The following LCOR variants were observed in gnomAD, a reference collection of about 807,000 sequenced individuals.
LCOR encodes the protein ligand-dependent corepressor.
In LCOR, 14 loss-of-function variants were observed where a neutral mutation model predicts 64.4. The observed-to-expected ratio is 0.22, with a 90% CI of 0.14 to 0.34. The LOEUF (loss-of-function observed/expected upper bound fraction) is 0.34, where lower values mean the gene tolerates loss of function less well. Ranked by LOEUF, LCOR falls within the 10% of genes least tolerant of loss-of-function variation. LCOR has a pLI of 1.00. For synonymous variants in LCOR, 643 were observed against 642.5 expected (o/e 1.00, Z -0.01); for missense variants, 1,686 against 1,765.3 (o/e 0.96, Z 0.80).
intron 2 of LCOR, among the ~76,000 whole-genome samples, chr10:96,844,268 A>G (rs1205555407): frequency 6.6e-6 from 1 of 151,282 alleles, no homozygotes; most frequent in African/African-American, 2.4e-5. Flanking sequence ...CTCCTGCCTT[A>G]GCCTCCCTAG....
rs747128709 is a variant in LCOR, at chr10:96,982,613, T to G, written c.2153T>G (p.Met718Arg). 10 of 1,614,002 alleles carry G rather than the reference T, an allele frequency of 6.2e-6. No individual in the cohort carries two copies. The African/African-American group carries it at 1.3e-4, about 22-fold the overall frequency. Residue 718 changes from methionine to arginine, a missense_variant, in exon 8 of 8, where the codon ATG (methionine) becomes AGG (arginine). Around this residue, in one of 3 missense-constraint regions of LCOR, gnomAD observed 1,293 missense variants for 1,410.4 expected, o/e 0.92. Transcript: ENST00000421806. ...QSSPMGLEPP[M>R]SLGKAEDNQS... ...TCCCCAATGGGCTTGGAGCCCCCCA[T>G]GAGTCTGGGAAAGGCTGAGGACAAC...
intron 2 of LCOR, among the ~76,000 whole-genome samples, chr10:96,893,004 C>A (rs889495402): frequency 7.9e-5 from 12 of 151,990 alleles, no homozygotes; most frequent in Non-Finnish European, 1.2e-4. Context: ...TTGTTCAAGC[C>A]CTCCATGACT....
At chr10:96,951,214 A>T (rs577581312) in intron 6 of LCOR, among the ~76,000 whole-genome samples, 2 of 152,274 alleles carry the variant, frequency 1.3e-5, no homozygotes, top group Admixed American at 1.3e-4. Context: ...TTTTCCAGGT[A>T]TTTCAACAAG....
At chr10:96,840,241 GTCT>G (rs1564598199) in intron 2 of LCOR, among the ~76,000 whole-genome samples, 1 of 152,052 alleles carries the variant, frequency 6.6e-6, no homozygotes, top group East Asian at 1.9e-4. Flanking sequence ...ATGATTTTTG[GTCT>G]TCTTTTTATT....
chr10:96,840,990 T>A (rs977236378), intron 2 of LCOR, among the ~76,000 whole-genome samples: 2 of 152,040 alleles, frequency 1.3e-5, no homozygotes, highest in African/African-American at 4.8e-5. Context: ...ATACAAAAAT[T>A]AGCTTTAGCT....
intron 4 of LCOR, among the ~76,000 whole-genome samples, chr10:96,938,849 A>G (rs555766816): frequency 6.6e-6 from 1 of 152,364 alleles, no homozygotes; most frequent in South Asian, 2.1e-4. Flanking sequence ...TATGTTGTAA[A>G]TTACAAAATG....
At chr10:96,833,517 C>A (rs1353931824) in intron 2 of LCOR, 38 bp downstream of exon 2, 1 of 865,932 alleles carries the variant, frequency 1.2e-6, no homozygotes, top group Non-Finnish European at 1.4e-6. Flanking sequence ...CCGCCCGCCG[C>A]CCCCTAGCCC....
intron 7 of LCOR, among the ~76,000 whole-genome samples, chr10:96,972,855 T>C (rs1171981088): frequency 6.6e-6 from 1 of 152,184 alleles, no homozygotes; most frequent in East Asian, 1.9e-4. Flanking sequence ...TTCTGCTCTT[T>C]TAGTGAATGT....
chr10:96,912,089 G>C (rs979888840), intron 4 of LCOR, among the ~76,000 whole-genome samples: 2 of 151,696 alleles, frequency 1.3e-5, no homozygotes, highest in African/African-American at 2.4e-5. Context: ...ATGCCACCAC[G>C]CCCAGCTAAT....
At chr10:96,920,747 T>TGG (rs1847060842) in intron 4 of LCOR, among the ~76,000 whole-genome samples, 1 of 110,100 alleles carries the variant, frequency 9.1e-6, no homozygotes, top group Admixed American at 1.1e-4. Context: ...TGTGTATATA[T>TGG]GTATACACAC....
Position 96,851,104 on chromosome 10 carries a change from C to T in LCOR, c.-330+17625C>T, listed in dbSNP as rs904802311. Among the ~76,000 whole-genome samples, 9 of 152,166 alleles carry T rather than the reference C, an allele frequency of 5.9e-5. 1 individual carries two copies. Among genetic ancestry groups the T allele is most frequent in the East Asian group, 5.8e-4 (3 of 5,194 alleles). On this transcript the variant is annotated intron_variant, in intron 2 of 7. Transcript: ENST00000421806. ...GTCCATTATTACGCTAACAGAAAGG[C>T]GTGGATCACGAGGGACATCTTTTCT...
chr10:96,860,697 G>A (rs533485515), intron 2 of LCOR, among the ~76,000 whole-genome samples: 1 of 152,226 alleles, frequency 6.6e-6, no homozygotes, highest in East Asian at 1.9e-4. Flanking sequence ...AAGTTTTCCC[G>A]GTGGATATCT....
intron 4 of LCOR, among the ~76,000 whole-genome samples, chr10:96,914,121 T>C (rs199811312): frequency 2.6e-5 from 4 of 152,342 alleles, no homozygotes; most frequent in South Asian, 2.1e-4. Context: ...CATATTTTGC[T>C]GAATGTTTCT....
At chr10:96,963,029 T>C (rs1371624548) in intron 7 of LCOR, 1 of 152,250 alleles carries the variant, frequency 6.6e-6, no homozygotes, top group Non-Finnish European at 1.5e-5. Context: ...AACGTGCTGG[T>C]AGCACATCTG....
chr10:96,904,246 G>GA (rs1846690138), intron 2 of LCOR, among the ~76,000 whole-genome samples: 1 of 152,164 alleles, frequency 6.6e-6, no homozygotes, highest in African/African-American at 2.4e-5. Flanking sequence ...GAAGGAGAGA[G>GA]ATACTATATT....
At chr10:96,978,486 A>G (rs1318980616) in intron 7 of LCOR, among the ~76,000 whole-genome samples, 2 of 152,158 alleles carry the variant, frequency 1.3e-5, no homozygotes, top group Non-Finnish European at 2.9e-5. Context: ...TTCAGAGTTC[A>G]CCGTACTTGT....
intron 7 of LCOR, chr10:96,961,664 G>T (rs1847882257): frequency 7.0e-6 from 1 of 142,332 alleles, no homozygotes; most frequent in South Asian, 2.6e-4. Context: ...TCTCATTAGA[G>T]ATTAGATTCT....
At position 96,982,063 on chromosome 10, in the gene LCOR, G is replaced by A. The variant is rs1309190463; in HGVS notation, c.1603G>A (p.Ala535Thr). 2 of 1,614,120 alleles carry A rather than the reference G, an allele frequency of 1.2e-6. No homozygotes were observed. The highest frequency in any genetic ancestry group is 1.7e-5 in the Admixed American group (1 of 60,032). ...SQEKASCSALASEAVFTPKQT... is the reference protein window; with the variant it reads ...SQEKASCSALTSEAVFTPKQT... The stretch of plus-strand genomic sequence containing the variant: ...GGAAAAAGCAAGCTGCTCAGCATTG[G>A]CATCAGAGGCAGTTTTCACTCCTAA... The change falls in exon 8 of 8, where the codon GCA becomes ACA. Residue 535 changes from alanine to threonine, a missense_variant. Around this residue, in one of 3 missense-constraint regions of LCOR, gnomAD observed 1,293 missense variants for 1,410.4 expected, o/e 0.92. Transcript: ENST00000421806.
Position 96,832,334 on chromosome 10 carries a change from C to A in LCOR, c.-469C>A. 1 of 984,570 alleles carries A rather than the reference C, an allele frequency of 1.0e-6. No individual in the cohort carries two copies. Among genetic ancestry groups the A allele is most frequent in the Non-Finnish European group, 1.2e-6 (1 of 829,638 alleles). The allele number at this position is 984,570 out of a possible 1,614,324, so 61.0% of individuals were successfully genotyped here. A position where few individuals can be genotyped will look rare whatever the true frequency, so the allele number is the denominator to read the frequency against. ...AGGGTGTGTAGGCGGCAGCAATGCT[C>A]CGTTGAGAGACGCGGCTTTCGGCAA... On this transcript the variant is annotated 5_prime_UTR_variant, in exon 1 of 8. Transcript: ENST00000421806.
Sources: allele counts gnomAD v4.1 joint callset (sites outside exome capture counted in the v4.1 genomes callset), GRCh38; gene constraint gnomAD v4.1.1; regional missense constraint gnomAD v4.1.1; transcripts MANE v1.5; gene names NCBI Gene and HGNC (gene_info 2026-07-23, HGNC 2026-07-21).